Variants in WWOX observed in about 807,000 individuals in gnomAD.
WWOX encodes WW domain containing oxidoreductase, also known as WW domain-containing oxidoreductase.
In WWOX, 69 loss-of-function variants were observed where a neutral mutation model predicts 46.2. The ratio of observed to expected loss-of-function variants is 1.49; its 90% CI spans 1.23 to 1.82. WWOX has a LOEUF of 1.82. Ranked by LOEUF, WWOX falls within the 40% of genes most tolerant of loss-of-function variation. WWOX has a pLI of 0.00. For missense variants in WWOX, 919 were observed against 542.6 expected, an observed-to-expected ratio of 1.69 and a Z score of -6.89; for synonymous variants, 359 against 202.6, an observed-to-expected ratio of 1.77 and a Z score of -6.56.
intron 8 of WWOX, among the ~76,000 whole-genome samples, chr16:79,143,985 A>G (rs962158269): frequency 3.9e-5 from 6 of 152,304 alleles, no homozygotes; most frequent in Admixed American, 1.3e-4. Flanking sequence ...GCTCACTGCA[A>G]TCTTGAACTC....
At chr16:78,821,944 T>A (rs2051508771) in intron 8 of WWOX, among the ~76,000 whole-genome samples, 1 of 152,176 alleles carries the variant, frequency 6.6e-6, no homozygotes, top group Non-Finnish European at 1.5e-5. Context: ...CTGTGGCATC[T>A]TAGCTCACAG....
intron 8 of WWOX, among the ~76,000 whole-genome samples, chr16:78,657,792 T>C (rs893567688): frequency 6.6e-6 from 1 of 152,218 alleles, no homozygotes; most frequent in African/African-American, 2.4e-5. Flanking sequence ...ATTGTTGTCC[T>C]TTTTTATTAA....
At chr16:79,141,110 G>C (rs1306364561) in intron 8 of WWOX, among the ~76,000 whole-genome samples, 1 of 152,174 alleles carries the variant, frequency 6.6e-6, no homozygotes, top group Admixed American at 6.5e-5. Flanking sequence ...TCTACTCGAA[G>C]TCACCCCTCT....
At chr16:78,263,431 G>C (rs1251270071) in intron 5 of WWOX, among the ~76,000 whole-genome samples, 4 of 152,194 alleles carry the variant, frequency 2.6e-5, no homozygotes, top group African/African-American at 9.6e-5. Context: ...GCACAGAGAA[G>C]AGGGGTTGCC....
intron 8 of WWOX, among the ~76,000 whole-genome samples, chr16:78,528,611 C>T (rs2043540262): frequency 6.6e-6 from 1 of 152,284 alleles, no homozygotes; most frequent in East Asian, 1.9e-4. Context: ...ACACAGTAAA[C>T]CCATTTATCT....
intron 8 of WWOX, among the ~76,000 whole-genome samples, chr16:78,672,139 C>T (rs1380353072): frequency 6.6e-6 from 1 of 152,128 alleles, no homozygotes; most frequent in East Asian, 1.9e-4. Context: ...CAGCAAATAC[C>T]TTTAAATGAT....
chr16:78,369,464 G>T (rs1322050288), intron 5 of WWOX, among the ~76,000 whole-genome samples: 1 of 152,124 alleles, frequency 6.6e-6, no homozygotes, highest in African/African-American at 2.4e-5. Context: ...GAATGAAGGG[G>T]TATGCAGCAA....
intron 8 of WWOX, among the ~76,000 whole-genome samples, chr16:78,917,835 G>C (rs865852596): frequency 6.6e-6 from 1 of 152,020 alleles, no homozygotes; most frequent in South Asian, 2.1e-4. Context: ...ATACTGACAA[G>C]GAATACATCT....
At chr16:78,706,619 T>A (rs984921686) in intron 8 of WWOX, among the ~76,000 whole-genome samples, 20 of 152,102 alleles carry the variant, frequency 1.3e-4, no homozygotes, top group Non-Finnish European at 2.6e-4. Context: ...CCCAAGAAAA[T>A]AGTTTTTTTC....
At chr16:78,164,333 C>G (rs376809020) in intron 5 of WWOX, 44 bp downstream of exon 5, 32 of 1,550,504 alleles carry the variant, frequency 2.1e-5, no homozygotes, top group Non-Finnish European at 2.1e-5. Flanking sequence ...GTCAAATACA[C>G]ATGCCGGGCT....
At chr16:79,176,975 A>G (rs2050812646) in intron 8 of WWOX, among the ~76,000 whole-genome samples, 1 of 152,154 alleles carries the variant, frequency 6.6e-6, no homozygotes, top group Non-Finnish European at 1.5e-5. Flanking sequence ...AAAATGGAGT[A>G]CAATGAATAG....
chr16:79,193,297 C>G (rs2051173596), intron 8 of WWOX, among the ~76,000 whole-genome samples: 1 of 152,230 alleles, frequency 6.6e-6, no homozygotes, highest in Non-Finnish European at 1.5e-5. Flanking sequence ...CTGAGGCTCA[C>G]TGGAAGAACT....
intron 8 of WWOX, among the ~76,000 whole-genome samples, chr16:78,748,663 A>G (rs1157416603): frequency 6.6e-6 from 1 of 152,128 alleles, no homozygotes; most frequent in Non-Finnish European, 1.5e-5. Flanking sequence ...AACAAGGGAG[A>G]TTAGGTAAAG....
At chr16:78,675,662 ATAAAT>A (rs1279237520) in intron 8 of WWOX, among the ~76,000 whole-genome samples, 3 of 152,254 alleles carry the variant, frequency 2.0e-5, no homozygotes, top group East Asian at 1.9e-4. Context: ...TTTAAAAAAA[ATAAAT>A]TAAATTTTTA....
chr16:78,349,047 A>T lies in WWOX; in HGVS notation c.517-37813A>T, dbSNP rs184066551. Among the ~76,000 whole-genome samples, 11 of 120,154 alleles carry T rather than the reference A, an allele frequency of 9.2e-5. 3 individuals are homozygous for T. The highest frequency in any genetic ancestry group is 3.2e-4 in the Admixed American group (4 of 12,372). The allele number at this position is 120,154 out of a possible 152,430, so 78.8% of individuals were successfully genotyped here. ...CAGGCTGGATAACTTGAACAACAAA[A>T]ATACATTTTCTCATAGTTGTGGAGC... is the stretch of plus-strand genomic sequence containing the variant. On this transcript the variant is annotated intron_variant, in intron 5 of 8. Coordinates refer to ENST00000566780, the MANE Select transcript of WWOX (RefSeq NM_016373.4).
At chr16:78,467,046 G>A (rs2084096849) in intron 8 of WWOX, among the ~76,000 whole-genome samples, 1 of 152,104 alleles carries the variant, frequency 6.6e-6, no homozygotes, top group South Asian at 2.1e-4. Flanking sequence ...TCTTGACCAT[G>A]CTATTGATTA....
chr16:78,513,119 C>G (rs528292105), intron 8 of WWOX, among the ~76,000 whole-genome samples: 26 of 152,144 alleles, frequency 1.7e-4, no homozygotes, highest in Non-Finnish European at 3.7e-4. Context: ...TATTTTCATT[C>G]TCTCCGTTGG....
At position 78,661,694 on chromosome 16, in the gene WWOX, A is replaced by T. The variant is rs147344163; in HGVS notation, c.1056+228942A>T. Among the ~76,000 whole-genome samples, 1,255 of 152,252 alleles carry T rather than the reference A, an allele frequency of 8.2e-3. 5 individuals carry two copies. The highest frequency in any genetic ancestry group is 0.024 in the Middle Eastern group (7 of 294). On this transcript the variant is annotated intron_variant, in intron 8 of 8. Transcript: ENST00000566780. Reference sequence around the variant, plus strand: ...TGCATGGAATGGGGGGAAAAGCTTCAGGGAAGGGCAGTGCAAATTGTTTCT... The same window carrying T: ...TGCATGGAATGGGGGGAAAAGCTTCTGGGAAGGGCAGTGCAAATTGTTTCT...
intron 8 of WWOX, among the ~76,000 whole-genome samples, chr16:79,098,741 C>T (rs1342541845): frequency 6.6e-6 from 1 of 152,178 alleles, no homozygotes; most frequent in Non-Finnish European, 1.5e-5. Flanking sequence ...GGTAATAACC[C>T]AGATACACTT....
Sources: allele counts gnomAD v4.1 joint callset (sites outside exome capture counted in the v4.1 genomes callset), GRCh38; gene constraint gnomAD v4.1.1; transcripts MANE v1.5; gene names NCBI Gene and HGNC (gene_info 2026-07-23, HGNC 2026-07-21).